BAZ1A: variants seen among roughly 807,000 people sequenced by gnomAD.
BAZ1A encodes the protein bromodomain adjacent to zinc finger domain protein 1A.
A neutral mutation model predicts 185.2 loss-of-function variants in BAZ1A; 50 were observed. The observed-to-expected ratio is 0.27, with a 90% CI of 0.22 to 0.34. The LOEUF (loss-of-function observed/expected upper bound fraction) is 0.34, where lower values mean the gene tolerates loss of function less well. Among genes scored for constraint, BAZ1A ranks in the 10% least tolerant of loss-of-function variants. The pLI, the probability that BAZ1A is intolerant of heterozygous loss-of-function variation, is 1.00. For synonymous variants in BAZ1A, 571 were observed against 615.6 expected, an observed-to-expected ratio of 0.93 and a Z score of 1.07; for missense variants, 1,356 against 1,839.9, an observed-to-expected ratio of 0.74 and a Z score of 4.81.
At chr14:34,796,932 A>G (rs1594850430) in intron 9 of BAZ1A, among the ~76,000 whole-genome samples, 2 of 152,246 alleles carry the variant, frequency 1.3e-5, no homozygotes, top group Middle Eastern at 3.2e-3. Context: ...AAATAAGCAC[A>G]TGCTTGGGAA....
chr14:34,806,250 G>A (rs1881851012), intron 6 of BAZ1A, among the ~76,000 whole-genome samples: 1 of 151,960 alleles, frequency 6.6e-6, no homozygotes, highest in African/African-American at 2.4e-5. Flanking sequence ...ACACATGCAG[G>A]AGCTGATTTG....
chr14:34,811,143 A>G, intron 4 of BAZ1A, 107 bp from the exon 5 acceptor site: 1 of 831,702 alleles, frequency 1.2e-6, no homozygotes, highest in Non-Finnish European at 1.8e-6. Flanking sequence ...CACATATTTC[A>G]AAATTTTTTT....
intron 19 of BAZ1A, 95 bp from the exon 20 acceptor site, chr14:34,773,821 A>G: frequency 8.1e-7 from 1 of 1,241,306 alleles, no homozygotes; most frequent in Non-Finnish European, 1.1e-6. Context: ...CAATTCATGG[A>G]TATTTTAGAA....
rs535512766 is a variant in BAZ1A, at chr14:34,825,965, C to G, written c.536+48G>C. On this transcript the variant is annotated intron_variant, in intron 4 of 26. Transcript: ENST00000360310. Reference sequence around the variant, plus strand: ...AAAAAAAGTTATTTCAATGGAATATCATTAGGCAATCTGCCAAATAATTTA... The same window carrying G: ...AAAAAAAGTTATTTCAATGGAATATGATTAGGCAATCTGCCAAATAATTTA... The G allele has an allele frequency of 9.9e-5, 145 of 1,469,554 alleles. 1 individual carries two copies. The South Asian group carries it at 1.7e-3, about 17-fold the overall frequency. 91.0% of individuals were successfully genotyped at this position (1,469,554 alleles called of 1,614,324 possible). A position where few individuals can be genotyped will look rare whatever the true frequency, so the allele number is the denominator to read the frequency against.
chr14:34,756,466 ATTTTTTTTTTTT>A (rs1158606061), intron 25 of BAZ1A, among the ~76,000 whole-genome samples: 1 of 79,016 alleles, frequency 1.3e-5, no homozygotes, highest in Non-Finnish European at 2.3e-5. Flanking sequence ...CAGAATACCT[ATTTTTTTTTTTT>A]TTTTTTTTTT....
At chr14:34,855,792 C>G (rs896769580) in intron 3 of BAZ1A, among the ~76,000 whole-genome samples, 2 of 151,990 alleles carry the variant, frequency 1.3e-5, no homozygotes, top group African/African-American at 4.8e-5. Flanking sequence ...CCCAGCTACT[C>G]AGGAGGAGGC....
chr14:34,815,650 T>C (rs1323657235), intron 4 of BAZ1A, among the ~76,000 whole-genome samples: 2 of 152,222 alleles, frequency 1.3e-5, no homozygotes, highest in African/African-American at 4.8e-5. Flanking sequence ...TCTACTTTGA[T>C]TTTACCATAA....
intron 12 of BAZ1A, among the ~76,000 whole-genome samples, chr14:34,790,891 G>A (rs938666468): frequency 8.5e-5 from 13 of 152,056 alleles, no homozygotes; most frequent in African/African-American, 3.1e-4. Flanking sequence ...TTGGGAGGCC[G>A]AGGCGGGCAG....
intron 2 of BAZ1A, among the ~76,000 whole-genome samples, chr14:34,873,730 C>G (rs896525318): frequency 1.3e-5 from 2 of 152,178 alleles, no homozygotes; most frequent in African/African-American, 4.8e-5. Flanking sequence ...GCCGCGACTT[C>G]TTCCTCACTG....
intron 24 of BAZ1A, 49 bp downstream of exon 24, chr14:34,761,708 C>T (rs1312228209): frequency 1.4e-6 from 2 of 1,477,364 alleles, no homozygotes; most frequent in African/African-American, 1.4e-5. Context: ...TCGATATTTC[C>T]AAATTATTCA....
At position 34,762,227 on chromosome 14, in the gene BAZ1A, TA is replaced by T; in HGVS notation, c.3777-5del. On this transcript the variant is annotated splice_polypyrimidine_tract_variant and splice_region_variant and intron_variant, in intron 23 of 26. Transcript: ENST00000360310. The stretch of plus-strand genomic sequence containing the variant: ...TGGTCTTCCTCGTTTGGGTAGGCTA[TA>T]AATATTGTTAGAAAACACAATTATT... 5.6e-6 allele frequency: 9 copies of T among 1,611,064 alleles called. No homozygotes were observed. The highest frequency in any genetic ancestry group is 7.6e-6 in the Non-Finnish European group (9 of 1,178,196).
At chr14:34,808,336 A>T (rs936698429) in intron 5 of BAZ1A, among the ~76,000 whole-genome samples, 1 of 151,818 alleles carries the variant, frequency 6.6e-6, no homozygotes, top group African/African-American at 2.4e-5. Flanking sequence ...TCTACTAAAA[A>T]TACAAAAAAA....
At chr14:34,770,101 GCT>G (rs1458854572) in intron 21 of BAZ1A, among the ~76,000 whole-genome samples, 1 of 152,098 alleles carries the variant, frequency 6.6e-6, no homozygotes, top group Non-Finnish European at 1.5e-5. Flanking sequence ...TTTCAAAACT[GCT>G]CTGATTGCAC....
chr14:34,841,112 C>A (rs530789654), intron 3 of BAZ1A, among the ~76,000 whole-genome samples: 1 of 152,000 alleles, frequency 6.6e-6, no homozygotes, highest in African/African-American at 2.4e-5. Context: ...TCATGCCCTG[C>A]TAATTTTGTG....
intron 3 of BAZ1A, among the ~76,000 whole-genome samples, chr14:34,851,421 T>C (rs1331901322): frequency 2.0e-5 from 3 of 151,616 alleles, no homozygotes; most frequent in South Asian, 2.1e-4. Flanking sequence ...TTTATGATTA[T>C]AGTTTGACTC....
chr14:34,766,340 A>G (rs1235338892), intron 21 of BAZ1A, among the ~76,000 whole-genome samples: 1 of 152,202 alleles, frequency 6.6e-6, no homozygotes, highest in Admixed American at 6.5e-5. Context: ...CCCTATCTTC[A>G]AGGAATGTTT....
At chr14:34,790,169 T>C (rs1594842747) in intron 12 of BAZ1A, among the ~76,000 whole-genome samples, 1 of 102,580 alleles carries the variant, frequency 9.7e-6, no homozygotes, top group Non-Finnish European at 2.1e-5. Context: ...AAATATTTTC[T>C]TTTTTTTTTT....
At chr14:34,820,025 A>AT (rs1757381460) in intron 4 of BAZ1A, among the ~76,000 whole-genome samples, 6 of 150,162 alleles carry the variant, frequency 4.0e-5, no homozygotes, top group Non-Finnish European at 8.9e-5. Flanking sequence ...ATGACATATG[A>AT]TGTTGAACAT....
In BAZ1A at chr14:34,800,386, A is replaced by G; in HGVS notation, c.966T>C (p.Phe322=). Reference sequence around the variant, plus strand: ...TTTCTCTTTTTAATTTAGCCTTTTCAAAAGCTGTGAAGAAAAATCAAACTT... The same window carrying G: ...TTTCTCTTTTTAATTTAGCCTTTTCGAAAGCTGTGAAGAAAAATCAAACTT... ...LKQEEMKSLA[F]EKAKLKREKA... Residue 322 remains phenylalanine, a synonymous_variant, in exon 9 of 27, where the codon TTT becomes TTC. Transcript: ENST00000360310. The G allele has an allele frequency of 6.5e-7, 1 of 1,541,440 alleles. No individual in the cohort carries two copies. Among genetic ancestry groups the G allele is most frequent in the African/African-American group, 1.4e-5 (1 of 70,416 alleles).
Sources: gnomAD v4.1 joint callset for allele counts (sites outside exome capture counted in the v4.1 genomes callset) on GRCh38, gnomAD v4.1.1 for gene constraint, MANE v1.5 for transcripts, NCBI Gene and HGNC (gene_info 2026-07-23, HGNC 2026-07-21) for gene names.